Variants in MNAT1 observed in about 807,000 individuals in gnomAD.
MNAT1 encodes the protein MNAT1 component of CDK activating kinase.
Under a neutral mutation model 42.0 loss-of-function variants are expected in MNAT1, and 43 were observed. The observed-to-expected ratio is 1.02, with a 90% CI of 0.80 to 1.32. The LOEUF is 1.32. Among genes scored for constraint, MNAT1 ranks in the 40% most tolerant of loss-of-function variants. MNAT1 has a pLI of 0.00. For synonymous variants in MNAT1, 118 were observed against 120.0 expected (o/e 0.98, Z 0.11); for missense variants, 306 against 350.4 (o/e 0.87, Z 1.01).
intron 6 of MNAT1, among the ~76,000 whole-genome samples, chr14:60,870,019 C>A (rs2034294751): frequency 1.3e-5 from 2 of 152,022 alleles, no homozygotes; most frequent in Admixed American, 6.6e-5. Context: ...AGCTTTTAAA[C>A]TTTCTAAGAA....
intron 1 of MNAT1, among the ~76,000 whole-genome samples, chr14:60,794,636 CAAAAAA>C (rs71114156): frequency 2.1e-5 from 2 of 95,430 alleles, no homozygotes; most frequent in Admixed American, 1.7e-4. Flanking sequence ...ACTGCATTCT[CAAAAAA>C]AAAAAAAAAA....
intron 6 of MNAT1, among the ~76,000 whole-genome samples, chr14:60,828,166 A>G (rs2033107542): frequency 6.6e-6 from 1 of 152,178 alleles, no homozygotes. Flanking sequence ...TACTATATAT[A>G]CTAATTGTTT....
intron 1 of MNAT1, among the ~76,000 whole-genome samples, chr14:60,756,009 T>C (rs1444936370): frequency 6.6e-6 from 1 of 152,260 alleles, no homozygotes; most frequent in Non-Finnish European, 1.5e-5. Flanking sequence ...TTTGTGTAAG[T>C]ATGCACATGA....
At chr14:60,786,247 AAAAC>A (rs1245713011) in intron 1 of MNAT1, among the ~76,000 whole-genome samples, 1 of 152,110 alleles carries the variant, frequency 6.6e-6, no homozygotes, top group African/African-American at 2.4e-5. Flanking sequence ...AAGAGGTAGA[AAAAC>A]AAAATAAGAA....
intron 1 of MNAT1, among the ~76,000 whole-genome samples, chr14:60,752,526 T>C (rs918009020): frequency 6.6e-6 from 1 of 152,142 alleles, no homozygotes; most frequent in Non-Finnish European, 1.5e-5. Context: ...TTCTTATTTG[T>C]ATGTGTGTGT....
intron 7 of MNAT1, among the ~76,000 whole-genome samples, chr14:60,932,150 A>G (rs184636993): frequency 0.012 from 1,834 of 151,936 alleles, 25 homozygotes; most frequent in Non-Finnish European, 0.016. Context: ...GTTACATTAG[A>G]GTTCTGTTAT....
intron 6 of MNAT1, among the ~76,000 whole-genome samples, chr14:60,819,349 G>A (rs1414951279): frequency 6.7e-6 from 1 of 149,900 alleles, no homozygotes; most frequent in Non-Finnish European, 1.5e-5. Flanking sequence ...TCAAGGGAAA[G>A]ATTTTATAAG....
intron 7 of MNAT1, among the ~76,000 whole-genome samples, chr14:60,897,377 T>A (rs563555026): frequency 9.5e-4 from 145 of 152,264 alleles, no homozygotes; most frequent in African/African-American, 3.3e-3. Context: ...TTTAAATTTC[T>A]GTGTAAAATA....
rs150361513 is a variant in MNAT1, at chr14:60,855,045, G to C, written c.688-24669G>C. Among the ~76,000 whole-genome samples the C allele has an allele frequency of 4.4e-3, 665 of 152,270 alleles. 5 individuals carry two copies. Among genetic ancestry groups the C allele is most frequent in the African/African-American group, 0.015 (639 of 41,554 alleles). On this transcript the variant is annotated intron_variant, in intron 6 of 7. Coordinates refer to ENST00000261245, the MANE Select transcript of MNAT1 (RefSeq NM_002431.4). ...AAGAGGAATGTAGAGAAGCAGTCTG[G>C]CCACAGCTGTTTTGCTGTGCTGTGG... is the stretch of plus-strand genomic sequence containing the variant.
At chr14:60,864,146 G>A (rs1027729607) in intron 6 of MNAT1, among the ~76,000 whole-genome samples, 5 of 151,904 alleles carry the variant, frequency 3.3e-5, no homozygotes, top group Admixed American at 1.3e-4. Context: ...AAAATTGAGT[G>A]TAAATATTTT....
chr14:60,772,788 A>C (rs1397781766), intron 1 of MNAT1, among the ~76,000 whole-genome samples: 3 of 152,046 alleles, frequency 2.0e-5, no homozygotes, highest in Non-Finnish European at 4.4e-5. Flanking sequence ...GTAGTGAAAG[A>C]GGAAGAGTTC....
intron 1 of MNAT1, among the ~76,000 whole-genome samples, chr14:60,741,390 C>T (rs369103764): frequency 3.3e-5 from 5 of 152,038 alleles, no homozygotes; most frequent in South Asian, 2.1e-4. Context: ...GATGGAATCT[C>T]GCTCTGTTGC....
rs147152969 is a variant in MNAT1, at chr14:60,852,574, C to G, written c.688-27140C>G. Among the ~76,000 whole-genome samples the G allele has an allele frequency of 6.7e-3, 1,013 of 152,230 alleles. 8 individuals carry two copies. The highest frequency in any genetic ancestry group is 0.014 in the Middle Eastern group (4 of 294). ...GTTAGATCCCATTTGTCAGTTTTGGCTTTTGTTGCCATTGCTTTTGGTGTT... is the reference window on the plus strand; with the variant it reads ...GTTAGATCCCATTTGTCAGTTTTGGGTTTTGTTGCCATTGCTTTTGGTGTT... On this transcript the variant is annotated intron_variant, in intron 6 of 7. Transcript: ENST00000261245.
chr14:60,861,565 A>G (rs982423113), intron 6 of MNAT1, among the ~76,000 whole-genome samples: 1 of 15,200 alleles, frequency 6.6e-5, no homozygotes, highest in South Asian at 9.3e-4. Flanking sequence ...TTATTTTTTT[A>G]AAAAAATTTG....
At chr14:60,738,600 G>A (rs1005617517) in intron 1 of MNAT1, among the ~76,000 whole-genome samples, 9 of 151,698 alleles carry the variant, frequency 5.9e-5, no homozygotes, top group African/African-American at 1.9e-4. Flanking sequence ...GTGCAATGGC[G>A]TGATAGCTCA....
chr14:60,754,252 C>T (rs971202536), intron 1 of MNAT1, among the ~76,000 whole-genome samples: 2 of 151,680 alleles, frequency 1.3e-5, no homozygotes, highest in African/African-American at 4.8e-5. Flanking sequence ...AGAATCCCTT[C>T]ATCTTTATTA....
chr14:60,884,341 T>C (rs540591480), intron 7 of MNAT1, among the ~76,000 whole-genome samples: 1 of 152,240 alleles, frequency 6.6e-6, no homozygotes, highest in Non-Finnish European at 1.5e-5. Flanking sequence ...TGGTCCTCAC[T>C]CTGTTGATAT....
intron 7 of MNAT1, among the ~76,000 whole-genome samples, chr14:60,953,116 C>G (rs1384546636): frequency 6.6e-6 from 1 of 151,808 alleles, no homozygotes; most frequent in Admixed American, 6.6e-5. Context: ...GAAGGAGAGG[C>G]AGTGAGAGTG....
In MNAT1 at chr14:60,750,205, A is replaced by G. The variant is rs867525237; in HGVS notation, c.89+15254A>G. Among the ~76,000 whole-genome samples the G allele has an allele frequency of 5.3e-5, 8 of 152,120 alleles. No homozygotes were observed. The Middle Eastern group carries it at 0.024, about 453-fold the overall frequency. On this transcript the variant is annotated intron_variant, in intron 1 of 7. Coordinates refer to ENST00000261245, the MANE Select transcript of MNAT1 (RefSeq NM_002431.4). ...GTCTTAGTTCTTCTTTTGAGTCATT[A>G]AAAATAAATTCGTTTTTCTTTCTTT...
Sources: gnomAD v4.1 joint callset for allele counts (sites outside exome capture counted in the v4.1 genomes callset) on GRCh38, gnomAD v4.1.1 for gene constraint, MANE v1.5 for transcripts, NCBI Gene and HGNC (gene_info 2026-07-23, HGNC 2026-07-21) for gene names.